The following PCDH15 variants were observed in gnomAD, a reference collection of about 807,000 sequenced individuals.
The protein encoded by PCDH15 is protocadherin related 15, also known as protocadherin-15.
A neutral mutation model predicts 178.5 loss-of-function variants in PCDH15; 129 were observed. The ratio of observed to expected loss-of-function variants is 0.72; its 90% confidence interval spans 0.63 to 0.84. The LOEUF (loss-of-function observed/expected upper bound fraction) is 0.84. Among genes scored for constraint, PCDH15 ranks in the 40% least tolerant of loss-of-function variants. PCDH15 has a pLI of 0.00. For missense variants in PCDH15, 2,230 were observed against 2,099.9 expected (o/e 1.06, Z -1.21); for synonymous variants, 800 against 732.0 (o/e 1.09, Z -1.50).
chr10:54,194,699 T>C (rs1287729299), intron 11 of PCDH15, among the ~76,000 whole-genome samples: 1 of 151,572 alleles, frequency 6.6e-6, no homozygotes, highest in Non-Finnish European at 1.5e-5. Context: ...TATATCTGTA[T>C]GTGTATGTAT....
chr10:54,877,934 CTCTCTTTTTTTTTTTTTTTTTTTTTTT>C (rs1564595313), intron 3 of PCDH15, among the ~76,000 whole-genome samples: 1 of 28,778 alleles, frequency 3.5e-5, no homozygotes, highest in Non-Finnish European at 6.7e-5. Context: ...TTCTCTCTCT[CTCTCTTTTTTTTTTTTTTTTTTTTTTT>C]TTTTTTTTTT....
At chr10:54,199,132 C>T (rs2049982046) in intron 10 of PCDH15, among the ~76,000 whole-genome samples, 1 of 151,984 alleles carries the variant, frequency 6.6e-6, no homozygotes, top group Non-Finnish European at 1.5e-5. Context: ...TATAAAGGCT[C>T]TGCCCATTTT....
intron 3 of PCDH15, among the ~76,000 whole-genome samples, chr10:54,515,749 C>T (rs144222564): frequency 0.092 from 14,047 of 152,254 alleles, 987 homozygotes; most frequent in East Asian, 0.36. Context: ...CAGACTGACA[C>T]CTCACACGGT....
chr10:55,086,381 G>T (rs1313671044), intron 2 of PCDH15, among the ~76,000 whole-genome samples: 1 of 151,972 alleles, frequency 6.6e-6, no homozygotes, highest in Non-Finnish European at 1.5e-5. Context: ...TCAGTAAAAA[G>T]TGATAAACAA....
intron 27 of PCDH15, among the ~76,000 whole-genome samples, chr10:53,864,739 G>T (rs765150438): frequency 9.9e-5 from 15 of 151,848 alleles, no homozygotes; most frequent in African/African-American, 3.6e-4. Context: ...AGCCAGGATC[G>T]CACCACTGCA....
chr10:55,208,402 C>T (rs1335195266), intron 1 of PCDH15, among the ~76,000 whole-genome samples: 1 of 151,934 alleles, frequency 6.6e-6, no homozygotes, highest in Non-Finnish European at 1.5e-5. Flanking sequence ...AACTCTCATT[C>T]TTCTCATACC....
chr10:54,151,544 GA>G (rs1330675133), intron 14 of PCDH15, among the ~76,000 whole-genome samples: 2 of 150,928 alleles, frequency 1.3e-5, no homozygotes, highest in African/African-American at 4.9e-5. Flanking sequence ...GGGCTAGGGG[GA>G]AAAAATGTAA....
At position 54,162,427 on chromosome 10, in the gene PCDH15, T is replaced by A. The variant is rs559358089; in HGVS notation, c.1591-9134A>T. On this transcript the variant is annotated intron_variant, in intron 13 of 37. Transcript: ENST00000644397. ...GCAGAATGTAATCAGCTAATCCAAC[T>A]ATGAAAGGCTGTCTGTGTTGAGAAA... Among the ~76,000 whole-genome samples the A allele has an allele frequency of 2.0e-5, 3 of 152,256 alleles. No homozygotes were observed. The East Asian group carries it at 5.8e-4, about 29-fold the overall frequency.
intron 3 of PCDH15, among the ~76,000 whole-genome samples, chr10:54,883,318 A>G (rs1272089192): frequency 2.6e-5 from 4 of 152,078 alleles, no homozygotes; most frequent in African/African-American, 9.7e-5. Flanking sequence ...CTATTTCAGA[A>G]CTTCTATAAG....
At chr10:54,876,552 G>A (rs1390102760) in intron 3 of PCDH15, among the ~76,000 whole-genome samples, 5 of 152,116 alleles carry the variant, frequency 3.3e-5, no homozygotes, top group African/African-American at 1.2e-4. Flanking sequence ...AGGTCAAAAT[G>A]TCAACACCAA....
At chr10:53,839,457 T>A (rs1402797266) in intron 29 of PCDH15, among the ~76,000 whole-genome samples, 3 of 152,058 alleles carry the variant, frequency 2.0e-5, no homozygotes, top group African/African-American at 7.2e-5. Context: ...TATATGGATA[T>A]GTTTATATGC....
intron 2 of PCDH15, among the ~76,000 whole-genome samples, chr10:55,535,587 T>G (rs1361084274): frequency 1.3e-5 from 2 of 152,052 alleles, no homozygotes; most frequent in African/African-American, 4.8e-5. Flanking sequence ...TCAACATTTC[T>G]TCTGGAAAGA....
At chr10:54,285,682 T>C (rs1158953126) in intron 8 of PCDH15, among the ~76,000 whole-genome samples, 2 of 152,092 alleles carry the variant, frequency 1.3e-5, no homozygotes, top group Non-Finnish European at 2.9e-5. Flanking sequence ...AAATTAACAA[T>C]AGAACTACCA....
At chr10:54,953,250 A>G (rs1307233478) in intron 2 of PCDH15, among the ~76,000 whole-genome samples, 6 of 151,388 alleles carry the variant, frequency 4.0e-5, no homozygotes, top group Admixed American at 4.0e-4. Flanking sequence ...ATTTTGTCAC[A>G]TTCCTTTCCT....
intron 3 of PCDH15, among the ~76,000 whole-genome samples, chr10:54,451,221 T>A (rs185149381): frequency 6.6e-6 from 1 of 151,902 alleles, no homozygotes; most frequent in Non-Finnish European, 1.5e-5. Context: ...CTGGCATTTA[T>A]TGGCACTTGG....
At chr10:55,386,839 A>G (rs956853982) in intron 2 of PCDH15, among the ~76,000 whole-genome samples, 1 of 152,118 alleles carries the variant, frequency 6.6e-6, no homozygotes, top group Non-Finnish European at 1.5e-5. Flanking sequence ...GCAAAATACA[A>G]CTATATATCT....
chr10:54,636,710 T>C (rs1251040133), intron 2 of PCDH15, among the ~76,000 whole-genome samples: 1 of 151,946 alleles, frequency 6.6e-6, no homozygotes, highest in Non-Finnish European at 1.5e-5. Flanking sequence ...GCATTCCCAG[T>C]CAGCTTTCTA....
At chr10:54,386,058 A>G (rs1949878869) in intron 3 of PCDH15, among the ~76,000 whole-genome samples, 2 of 149,430 alleles carry the variant, frequency 1.3e-5, no homozygotes, top group Admixed American at 6.7e-5. Flanking sequence ...ATTTTTGTGC[A>G]TTGGTTTTGT....
chr10:53,950,725 T>C (rs966148341), intron 23 of PCDH15, among the ~76,000 whole-genome samples: 2 of 152,224 alleles, frequency 1.3e-5, no homozygotes, highest in Non-Finnish European at 2.9e-5. Context: ...TTACTTCACC[T>C]ATGGGAGTCA....
Sources: gnomAD v4.1 joint callset for allele counts (sites outside exome capture counted in the v4.1 genomes callset) on GRCh38, gnomAD v4.1.1 for gene constraint, MANE v1.5 for transcripts, NCBI Gene and HGNC (gene_info 2026-07-23, HGNC 2026-07-21) for gene names.